The following PAK5 variants were observed in gnomAD, a reference collection of about 807,000 sequenced individuals.
PAK5 encodes p21 (RAC1) activated kinase 5, also known as serine/threonine-protein kinase PAK 5.
A neutral mutation model predicts 65.9 loss-of-function variants in PAK5; 16 were observed. The observed-to-expected ratio is 0.24, with a 90% CI of 0.16 to 0.37. The LOEUF (loss-of-function observed/expected upper bound fraction) is 0.37, where lower values mean the gene tolerates loss of function less well. Ranked by LOEUF, PAK5 falls within the 10% of genes least tolerant of loss-of-function variation. The pLI is 1.00. For synonymous variants in PAK5, 371 were observed against 354.9 expected (o/e 1.05, Z -0.51); for missense variants, 785 against 903.9 (o/e 0.87, Z 1.69).
chr20:9,715,051 T>G (rs2048125438), intron 1 of PAK5, among the ~76,000 whole-genome samples: 1 of 152,180 alleles, frequency 6.6e-6, no homozygotes, highest in African/African-American at 2.4e-5. Context: ...AAATGGGGTC[T>G]AATTAAACTA....
intron 7 of PAK5, among the ~76,000 whole-genome samples, chr20:9,549,668 G>A (rs923987565): frequency 2.0e-5 from 3 of 152,244 alleles, no homozygotes; most frequent in African/African-American, 4.8e-5. Context: ...TGAACTAAAC[G>A]CTGAGTCCTG....
intron 3 of PAK5, among the ~76,000 whole-genome samples, chr20:9,623,554 C>T (rs1346365601): frequency 2.0e-5 from 3 of 152,096 alleles, no homozygotes; most frequent in African/African-American, 7.2e-5. Flanking sequence ...GACAAAACAA[C>T]ATAAAACTAA....
chr20:9,760,675 T>TTC (rs1555923242), intron 1 of PAK5, among the ~76,000 whole-genome samples: 2 of 145,510 alleles, frequency 1.4e-5, no homozygotes, highest in Admixed American at 6.8e-5. Flanking sequence ...TTTCTTTTCT[T>TTC]TTTTTTTTTT....
At chr20:9,715,521 T>C (rs1408822030) in intron 1 of PAK5, among the ~76,000 whole-genome samples, 5 of 152,134 alleles carry the variant, frequency 3.3e-5, no homozygotes, top group Admixed American at 3.3e-4. Context: ...AGAAATACCA[T>C]TTGACTCAGC....
At chr20:9,673,138 T>C (rs996819903) in intron 2 of PAK5, among the ~76,000 whole-genome samples, 2 of 152,186 alleles carry the variant, frequency 1.3e-5, no homozygotes, top group Admixed American at 1.3e-4. Context: ...GACATATTAT[T>C]ACACTTAAAA....
At chr20:9,831,227 G>A (rs1012042929) in intron 1 of PAK5, among the ~76,000 whole-genome samples, 3 of 152,178 alleles carry the variant, frequency 2.0e-5, no homozygotes, top group Non-Finnish European at 2.9e-5. Flanking sequence ...GTGTGCGCGC[G>A]TGCGTGTGTT....
At position 9,539,585 on chromosome 20, in the gene PAK5, CAA is replaced by C; in HGVS notation, c.2035_2036del (p.Leu679AspfsTer47). On this transcript the variant is annotated frameshift_variant, in exon 10 of 10. Coordinates refer to ENST00000353224, the MANE Select transcript of PAK5 (RefSeq NM_177990.4). LOFTEE classifies it high-confidence loss of function. ...TCTGAGAGGGCTCCCTCACCAACAT[CAA>C]GTCTAGGAATCCCCGGAGCACTGAA... Reference protein sequence around the residue: ...VSSVLRGFLDLMLVREPSQRA... With the variant: ...VSSVLRGFLDXMLVREPSQRA... 6.2e-7 allele frequency: 1 copy of C among 1,613,656 alleles called. No individual in the cohort carries two copies.
intron 1 of PAK5, among the ~76,000 whole-genome samples, chr20:9,801,188 G>C (rs1381790993): frequency 6.6e-6 from 1 of 151,960 alleles, no homozygotes; most frequent in African/African-American, 2.4e-5. Flanking sequence ...GTCATGGCTG[G>C]GGTAATTTAG....
Position 9,580,602 on chromosome 20 carries a change from C to T in PAK5, c.533G>A (p.Gly178Glu), listed in dbSNP as rs2123015869. ...QNGHVMKMKHGEAYYSEVKPL... is the reference protein window; with the variant it reads ...QNGHVMKMKHEEAYYSEVKPL... ...CTTCACCTCAGAATAGTAGGCCTCC[C>T]CGTGCTTCATTTTCATTACGTGCCC... is the stretch of plus-strand genomic sequence containing the variant. Residue 178 changes from glycine to glutamate, a missense_variant, in exon 4 of 10, where the codon GGG (glycine) becomes GAG (glutamate). Around this residue, in one of 4 missense-constraint regions of PAK5, gnomAD observed 422 missense variants for 413.3 expected, o/e 1.02. Transcript: ENST00000353224. 6.2e-6 allele frequency: 10 copies of T among 1,614,048 alleles called. No homozygotes were observed. The highest frequency in any genetic ancestry group is 8.5e-6 in the Non-Finnish European group (10 of 1,180,022).
chr20:9,669,924 C>G (rs1017560533), intron 2 of PAK5, among the ~76,000 whole-genome samples: 2 of 121,874 alleles, frequency 1.6e-5, no homozygotes, highest in Non-Finnish European at 3.4e-5. Flanking sequence ...CCTTCTGCCT[C>G]CCCCCCACCC....
At chr20:9,744,190 C>G (rs2048481435) in intron 1 of PAK5, among the ~76,000 whole-genome samples, 1 of 152,108 alleles carries the variant, frequency 6.6e-6, no homozygotes, top group African/African-American at 2.4e-5. Flanking sequence ...TTTCTGGCCC[C>G]CAGACTGAGA....
chr20:9,753,399 T>C (rs1158582063), intron 1 of PAK5, among the ~76,000 whole-genome samples: 1 of 152,164 alleles, frequency 6.6e-6, no homozygotes, highest in Admixed American at 6.5e-5. Context: ...TTGTTTGAGG[T>C]TGGGTCTATA....
intron 3 of PAK5, among the ~76,000 whole-genome samples, chr20:9,635,353 A>T (rs1414145214): frequency 6.6e-6 from 1 of 151,762 alleles, no homozygotes; most frequent in Non-Finnish European, 1.5e-5. Context: ...TTGATCTGAG[A>T]CCTGTGTCCT....
chr20:9,775,120 G>A (rs1174065521), intron 1 of PAK5, among the ~76,000 whole-genome samples: 2 of 152,126 alleles, frequency 1.3e-5, no homozygotes, highest in Admixed American at 1.3e-4. Context: ...GCAAATGACT[G>A]GAAAGAGACA....
chr20:9,579,104 T>A (rs1216740002), intron 4 of PAK5, among the ~76,000 whole-genome samples: 1 of 152,202 alleles, frequency 6.6e-6, no homozygotes, highest in African/African-American at 2.4e-5. Context: ...CTATCTATAA[T>A]CAATAAATCA....
chr20:9,540,737 CTT>C (rs1168963029), intron 9 of PAK5, among the ~76,000 whole-genome samples: 41 of 138,128 alleles, frequency 3.0e-4, no homozygotes, highest in Non-Finnish European at 3.6e-4. Context: ...TTTTTAGTCA[CTT>C]TTTTTTTTTT....
At chr20:9,658,488 T>TA (rs1191861850) in intron 2 of PAK5, among the ~76,000 whole-genome samples, 18 of 152,210 alleles carry the variant, frequency 1.2e-4, no homozygotes, top group Admixed American at 2.6e-4. Context: ...TTGGTTCCAC[T>TA]AGCTTCTATA....
At chr20:9,666,790 C>T (rs1024352500) in intron 2 of PAK5, among the ~76,000 whole-genome samples, 3 of 152,200 alleles carry the variant, frequency 2.0e-5, no homozygotes, top group Admixed American at 1.3e-4. Context: ...TGATTTTTAG[C>T]ATAACTCTAT....
At chr20:9,661,443 T>A (rs1220094777) in intron 2 of PAK5, among the ~76,000 whole-genome samples, 1 of 152,194 alleles carries the variant, frequency 6.6e-6, no homozygotes, top group African/African-American at 2.4e-5. Context: ...TATCTCATTA[T>A]CTGTTGCAGA....
Sources: gnomAD v4.1 joint callset for allele counts (sites outside exome capture counted in the v4.1 genomes callset) on GRCh38, gnomAD v4.1.1 for gene constraint, gnomAD v4.1.1 regional missense constraint, MANE v1.5 for transcripts, NCBI Gene and HGNC (gene_info 2026-07-23, HGNC 2026-07-21) for gene names.